ZNF486: variants seen among roughly 807,000 people sequenced by gnomAD.
ZNF486 encodes the protein KRAB box only protein 2.
In ZNF486, 12 loss-of-function variants were observed where a neutral mutation model predicts 12.8. That is an observed-to-expected ratio of 0.94 (90% confidence interval 0.60 to 1.52). The LOEUF is 1.52. Ranked by LOEUF, ZNF486 falls within the 40% of genes most tolerant of loss-of-function variation. The pLI is 0.00. For synonymous variants in ZNF486, 231 were observed against 184.9 expected (o/e 1.25, Z -2.02); for missense variants, 738 against 545.0 (o/e 1.35, Z -3.53).
rs1307093248 is a variant in ZNF486 at position 20,188,126 on chromosome 19, G to A, written c.253+2044G>A. ...TATGGCTTTTATTGAGTATCAGAGA[G>A]CATTCCCTCAGATAACTGTGGGTTT... On this transcript the variant is annotated intron_variant, in intron 3 of 3. Coordinates refer to ENST00000335117, the MANE Select transcript of ZNF486 (RefSeq NM_052852.4). Among the ~76,000 whole-genome samples, 7 of 152,196 alleles carry A rather than the reference G, an allele frequency of 4.6e-5. No individual in the cohort carries two copies. In the South Asian group the frequency reaches 1.5e-3, roughly 32 times the overall value.
At chr19:20,196,464 A>T (rs1386386156) in intron 3 of ZNF486, among the ~76,000 whole-genome samples, 1 of 151,986 alleles carries the variant, frequency 6.6e-6, no homozygotes, top group Non-Finnish European at 1.5e-5. Flanking sequence ...GAGCAGTTGG[A>T]ATTACAGCGG....
chr19:20,172,291 C>T (rs1353274399), intron 1 of ZNF486, among the ~76,000 whole-genome samples: 1 of 149,548 alleles, frequency 6.7e-6, no homozygotes, highest in African/African-American at 2.5e-5. Flanking sequence ...GTGTGAGCCA[C>T]TGCACCTAGC....
intron 1 of ZNF486, 99 bp from the exon 2 acceptor site, chr19:20,184,257 T>C (rs782106617): frequency 2.6e-6 from 4 of 1,541,004 alleles, no homozygotes; most frequent in Non-Finnish European, 2.7e-6. Context: ...GTCAATCCTA[T>C]AAGTAAGAAT....
chr19:20,170,149 G>T (rs111380437), intron 1 of ZNF486, among the ~76,000 whole-genome samples: 2 of 151,438 alleles, frequency 1.3e-5, no homozygotes, highest in African/African-American at 2.4e-5. Flanking sequence ...CGCCCGCCTC[G>T]GCCTCCCGAA....
At position 20,184,466 on chromosome 19, in the gene ZNF486, A is replaced by T. The variant is rs782525607; in HGVS notation, c.141A>T (p.Arg47Ser). 6.2e-7 allele frequency: 1 copy of T among 1,611,164 alleles called. No homozygotes were observed. The highest frequency in any genetic ancestry group is 1.1e-5 in the South Asian group (1 of 90,444). Reference protein sequence around the residue: ...LYRDVMLENYRHLVFLGIIVS... With the variant: ...LYRDVMLENYSHLVFLGIIVS... Reference sequence around the variant, plus strand: ...GGGATGTGATGTTAGAGAACTACAGACACCTGGTCTTCCTTGGTGAGGATA... The same window carrying T: ...GGGATGTGATGTTAGAGAACTACAGTCACCTGGTCTTCCTTGGTGAGGATA... The change falls in exon 2 of 4, where the codon AGA (arginine) becomes AGT (serine). Residue 47 changes from arginine (R) to serine (S), a missense_variant. By Grantham distance (110) the Arg-to-Ser change is moderately radical. Transcript: ENST00000335117.
At position 20,197,877 on chromosome 19, in the gene ZNF486, G is replaced by C. The variant is rs1250272119; in HGVS notation, c.1167G>C (p.Trp389Cys). The C allele has an allele frequency of 6.2e-7, 1 of 1,612,294 alleles. No homozygotes were observed. The highest frequency in any genetic ancestry group is 1.3e-5 in the African/African-American group (1 of 74,260). ...AAGAATGTGGCAAAGCCTTTACATG[G>C]TCTGCAGGCCTCCATAAACATAGGA... is the stretch of plus-strand genomic sequence containing the variant. ...KCEECGKAFT[W>C]SAGLHKHRRT... is the part of the protein sequence containing the mutation. The change falls in exon 4 of 4, where the codon TGG becomes TGC. Residue 389 changes from tryptophan to cysteine, a missense_variant. Physicochemically the swap from Trp to Cys is radical, Grantham distance 215. Transcript: ENST00000335117.
At chr19:20,170,044 C>T (rs1318820196) in intron 1 of ZNF486, among the ~76,000 whole-genome samples, 1 of 151,648 alleles carries the variant, frequency 6.6e-6, no homozygotes, top group Non-Finnish European at 1.5e-5. Context: ...GCGCCCGCCA[C>T]CACGCCCGGC....
At position 20,172,652 on chromosome 19, in the gene ZNF486, CT is replaced by C. The variant is rs111564628; in HGVS notation, c.30+5305del. On this transcript the variant is annotated intron_variant, in intron 1 of 3. Coordinates refer to ENST00000335117, the MANE Select transcript of ZNF486 (RefSeq NM_052852.4). ...TTTTTCTTGTAAACTTGTTTAAGTT[CT>C]TTTTTTTTTTTTGTGAGATGGAGTC... 2.4e-3 allele frequency among the ~76,000 whole-genome samples: 331 copies of C among 140,422 alleles called. 1 individual carries two copies. The highest frequency in any genetic ancestry group is 2.2e-3 in the Non-Finnish European group (142 of 64,258). 92.1% of individuals were successfully genotyped at this position (140,422 alleles called of 152,430 possible).
In ZNF486 at chr19:20,181,442, G is replaced by A. The variant is rs555019058; in HGVS notation, c.31-2914G>A. ...TAGTCCCAGCTACTGAGGAGGCTGA[G>A]GCAGGAGAATGGCGTGAACCCAGGA... On this transcript the variant is annotated intron_variant, in intron 1 of 3. Transcript: ENST00000335117. Among the ~76,000 whole-genome samples the A allele has an allele frequency of 3.9e-5, 6 of 151,940 alleles. No homozygotes were observed. In the South Asian group the frequency reaches 1.0e-3, roughly 26 times the overall value.
At chr19:20,195,243 A>T (rs574010921) in intron 3 of ZNF486, among the ~76,000 whole-genome samples, 2 of 152,342 alleles carry the variant, frequency 1.3e-5, no homozygotes, top group Admixed American at 6.5e-5. Flanking sequence ...ATCTCCACTC[A>T]CTGCAACGTT....
intron 1 of ZNF486, among the ~76,000 whole-genome samples, chr19:20,169,668 A>G (rs2089625452): frequency 6.6e-6 from 1 of 152,124 alleles, no homozygotes; most frequent in African/African-American, 2.4e-5. Context: ...AAAATGAATT[A>G]GTATTGGAAC....
Position 20,190,420 on chromosome 19 carries a change from C to T in ZNF486, c.253+4338C>T, listed in dbSNP as rs2089890729. ...TTGTTGTTTTAAGACAAGATCTTAC[C>T]AACACCAAGGCTGGAGTGCTGTGGC... On this transcript the variant is annotated intron_variant, in intron 3 of 3. Coordinates refer to ENST00000335117, the MANE Select transcript of ZNF486 (RefSeq NM_052852.4). Among the ~76,000 whole-genome samples, 4 of 152,072 alleles carry T rather than the reference C, an allele frequency of 2.6e-5. No individual in the cohort carries two copies. In the South Asian group the frequency reaches 8.3e-4, roughly 31 times the overall value.
chr19:20,167,487 C>T (rs1204350066), intron 1 of ZNF486, 127 bp downstream of exon 1: 9 of 1,097,104 alleles, frequency 8.2e-6, no homozygotes, highest in Admixed American at 2.4e-5. Flanking sequence ...TTACCCAGCT[C>T]GGCCTCAGTC....
Position 20,198,150 on chromosome 19 carries a change from G to A in ZNF486, c.*48G>A, listed in dbSNP as rs890545660. On this transcript the variant is annotated 3_prime_UTR_variant, in exon 4 of 4. Coordinates refer to ENST00000335117, the MANE Select transcript of ZNF486 (RefSeq NM_052852.4). ...TATTTTTTTGAGAGGTAATTCTGCT[G>A]TTGTTTCCCAGGCTGGAGTGCAATG... 5.4e-6 allele frequency: 8 copies of A among 1,481,294 alleles called. No individual in the cohort carries two copies. The highest frequency in any genetic ancestry group is 7.2e-6 in the Non-Finnish European group (8 of 1,110,808). The allele number at this position is 1,481,294 out of a possible 1,614,324, so 91.8% of individuals were successfully genotyped here.
chr19:20,189,767 C>T (rs2089884922), intron 3 of ZNF486, among the ~76,000 whole-genome samples: 1 of 152,110 alleles, frequency 6.6e-6, no homozygotes, highest in African/African-American at 2.4e-5. Context: ...CATCCATTTT[C>T]TAAGGGATGT....
intron 1 of ZNF486, among the ~76,000 whole-genome samples, chr19:20,170,052 G>A (rs1429944134): frequency 1.3e-5 from 2 of 151,412 alleles, no homozygotes; most frequent in South Asian, 2.1e-4. Context: ...CACCACGCCC[G>A]GCTAATTTTT....
chr19:20,177,475 T>A (rs1457222118), intron 1 of ZNF486, among the ~76,000 whole-genome samples: 1 of 152,258 alleles, frequency 6.6e-6, no homozygotes, highest in African/African-American at 2.4e-5. Context: ...GTGCTTTAAA[T>A]TCTTCTACTT....
intron 1 of ZNF486, chr19:20,174,990 C>A (rs190543751): frequency 5.3e-5 from 8 of 152,260 alleles, no homozygotes; most frequent in Non-Finnish European, 8.8e-5. Context: ...ACTATATGAA[C>A]ATAGTCAGAT....
chr19:20,170,402 A>C (rs1438193822), intron 1 of ZNF486, among the ~76,000 whole-genome samples: 2 of 152,178 alleles, frequency 1.3e-5, no homozygotes, highest in East Asian at 3.9e-4. Context: ...CATGGTGTCT[A>C]CTAAAAATAC....
Sources: allele counts gnomAD v4.1 joint callset (sites outside exome capture counted in the v4.1 genomes callset), GRCh38; gene constraint gnomAD v4.1.1; transcripts MANE v1.5; gene names NCBI Gene and HGNC (gene_info 2026-07-23, HGNC 2026-07-21).